Variants in NEK11 observed in about 807,000 individuals in gnomAD.
NEK11 encodes the protein serine/threonine-protein kinase Nek11.
Under a neutral mutation model 80.7 loss-of-function variants are expected in NEK11, and 72 were observed. That is an observed-to-expected ratio of 0.89 (90% CI 0.74 to 1.08). The LOEUF is 1.08. Among genes scored for constraint, NEK11 ranks in the 50% least tolerant of loss-of-function variants. The pLI, the probability that NEK11 is intolerant of heterozygous loss-of-function variation, is 0.00. For missense variants in NEK11, 764 were observed against 763.6 expected (o/e 1.00, Z -0.01); for synonymous variants, 251 against 260.7 (o/e 0.96, Z 0.36).
chr3:131,085,145 C>T (rs1188533849), intron 4 of NEK11, among the ~76,000 whole-genome samples: 1 of 152,170 alleles, frequency 6.6e-6, no homozygotes, highest in Non-Finnish European at 1.5e-5. Context: ...ACCTTCTGAT[C>T]CTAATTTAGC....
chr3:131,173,146 A>G (rs1207701562), intron 14 of NEK11, among the ~76,000 whole-genome samples: 2 of 152,210 alleles, frequency 1.3e-5, no homozygotes, highest in African/African-American at 4.8e-5. Flanking sequence ...TCAGTCGAGC[A>G]GCTCATGCCA....
chr3:131,134,539 TAC>T (rs200114206), intron 7 of NEK11, among the ~76,000 whole-genome samples: 2,036 of 152,188 alleles, frequency 0.013, 26 homozygotes, highest in East Asian at 0.08. Context: ...TAGCTGGGAC[TAC>T]AGGCTCCCAC....
intron 14 of NEK11, among the ~76,000 whole-genome samples, chr3:131,191,259 G>A (rs1008410944): frequency 9.2e-5 from 14 of 152,134 alleles, no homozygotes; most frequent in African/African-American, 2.9e-4. Context: ...TTACAGCTCT[G>A]GAGATTAAAA....
intron 14 of NEK11, among the ~76,000 whole-genome samples, chr3:131,187,838 C>T (rs1157749829): frequency 6.6e-6 from 1 of 152,096 alleles, no homozygotes; most frequent in Non-Finnish European, 1.5e-5. Context: ...TCAGAGTTTA[C>T]CTAATAATAA....
At chr3:131,227,714 C>T (rs1354799655) in intron 14 of NEK11, among the ~76,000 whole-genome samples, 1 of 152,060 alleles carries the variant, frequency 6.6e-6, no homozygotes, top group African/African-American at 2.4e-5. Context: ...TCCCCCAGCC[C>T]AAGGGTAGTT....
At position 131,347,303 on chromosome 3, in the gene NEK11, A is replaced by G. The variant is rs562062086; in HGVS notation, c.1719-2254A>G. 2.6e-5 allele frequency among the ~76,000 whole-genome samples: 4 copies of G among 152,350 alleles called. No homozygotes were observed. In the South Asian group the frequency reaches 6.2e-4, roughly 24 times the overall value. On this transcript the variant is annotated intron_variant, in intron 17 of 17. Transcript: ENST00000383366. Reference sequence around the variant, plus strand: ...TCTGTAAAATGAAGACAAATGTTCAATGAATTGCCTAGTTCATAAGGAGCA... The same window carrying G: ...TCTGTAAAATGAAGACAAATGTTCAGTGAATTGCCTAGTTCATAAGGAGCA...
intron 17 of NEK11, among the ~76,000 whole-genome samples, chr3:131,286,132 T>C (rs967795936): frequency 2.6e-5 from 4 of 152,260 alleles, no homozygotes; most frequent in Non-Finnish European, 2.9e-5. Context: ...TAGTGTCTCA[T>C]TGACTATGAA....
chr3:131,064,417 C>T (rs2071486617), intron 3 of NEK11, among the ~76,000 whole-genome samples: 1 of 152,078 alleles, frequency 6.6e-6, no homozygotes, highest in Non-Finnish European at 1.5e-5. Context: ...TGTGTTTGTG[C>T]AAGCGTGTCC....
At chr3:131,206,864 T>C (rs936107733) in intron 14 of NEK11, among the ~76,000 whole-genome samples, 1 of 151,964 alleles carries the variant, frequency 6.6e-6, no homozygotes, top group Non-Finnish European at 1.5e-5. Flanking sequence ...CCCCACCCTG[T>C]GTCTAAGTGT....
chr3:131,286,737 A>AT (rs1237556020), intron 17 of NEK11, among the ~76,000 whole-genome samples: 1 of 152,232 alleles, frequency 6.6e-6, no homozygotes, highest in Non-Finnish European at 1.5e-5. Context: ...ATAAACTGCC[A>AT]TATCTGGACT....
chr3:131,102,567 C>T (rs942603396), intron 4 of NEK11, among the ~76,000 whole-genome samples: 3 of 152,182 alleles, frequency 2.0e-5, no homozygotes, highest in Non-Finnish European at 4.4e-5. Flanking sequence ...ATGGGTTTCC[C>T]TCTGTGCATG....
In NEK11 at chr3:131,115,962, C is replaced by CTTTCTTTCTTTCTTTCTT. The variant is rs1553878532; in HGVS notation, c.455+6043_455+6060dup. On this transcript the variant is annotated intron_variant, in intron 5 of 17. Transcript: ENST00000383366. ...TCTTTCTTTCTTTCTTTCTTTCTTT[C>CTTTCTTTCTTTCTTTCTT]TTTCTTTCTTTCTTTCTTTCTTTCT... Among the ~76,000 whole-genome samples the CTTTCTTTCTTTCTTTCTT allele has an allele frequency of 1.8e-3, 258 of 140,990 alleles. 1 individual carries two copies. The highest frequency in any genetic ancestry group is 0.013 in the East Asian group (57 of 4,488). 92.5% of individuals were successfully genotyped at this position (140,990 alleles called of 152,430 possible). A position where few individuals can be genotyped will look rare whatever the true frequency, so the allele number is the denominator to read the frequency against.
At chr3:131,157,197 G>C (rs1579255311) in intron 10 of NEK11, among the ~76,000 whole-genome samples, 2 of 152,216 alleles carry the variant, frequency 1.3e-5, no homozygotes, top group Non-Finnish European at 2.9e-5. Context: ...AATTGTGTAA[G>C]TTCAGGGTAG....
chr3:131,217,303 G>A (rs1053463329), intron 14 of NEK11, among the ~76,000 whole-genome samples: 6 of 152,044 alleles, frequency 3.9e-5, no homozygotes, highest in African/African-American at 7.2e-5. Flanking sequence ...TAATAGTGCC[G>A]GGGAAGGCAT....
intron 17 of NEK11, among the ~76,000 whole-genome samples, chr3:131,318,398 G>C (rs2096864773): frequency 1.3e-5 from 2 of 152,108 alleles, no homozygotes; most frequent in Non-Finnish European, 2.9e-5. Flanking sequence ...AATTTTTTAA[G>C]TGAAAATTCT....
chr3:131,248,642 A>G lies in NEK11; in HGVS notation c.1621+5146A>G, dbSNP rs527565906. 3.3e-5 allele frequency among the ~76,000 whole-genome samples: 5 copies of G among 152,102 alleles called. No individual in the cohort carries two copies. In the East Asian group the frequency reaches 7.8e-4, roughly 24 times the overall value. ...GAGAAACAGTCTCTCTCACTCTCCC[A>G]TATTAGGGCTTTACTCACAGTTCTC... On this transcript the variant is annotated intron_variant, in intron 16 of 17. Coordinates refer to ENST00000383366, the MANE Select transcript of NEK11 (RefSeq NM_024800.5).
intron 10 of NEK11, among the ~76,000 whole-genome samples, chr3:131,157,174 G>A (rs1030942079): frequency 6.6e-6 from 1 of 152,180 alleles, no homozygotes; most frequent in Non-Finnish European, 1.5e-5. Flanking sequence ...ATCAGGTGAG[G>A]CAAGTGAGGT....
At chr3:131,120,449 A>G (rs1001866475) in intron 5 of NEK11, among the ~76,000 whole-genome samples, 7 of 152,040 alleles carry the variant, frequency 4.6e-5, no homozygotes, top group South Asian at 2.1e-4. Flanking sequence ...ACTGATAATT[A>G]TGTGGCTTGG....
intron 17 of NEK11, among the ~76,000 whole-genome samples, chr3:131,322,859 G>GAGTTTT (rs751987777): frequency 5.8e-4 from 88 of 152,298 alleles, no homozygotes; most frequent in South Asian, 1.7e-3. Flanking sequence ...CTCCTTGTTT[G>GAGTTTT]AATCTTTCCT....
Sources: allele counts gnomAD v4.1 joint callset (sites outside exome capture counted in the v4.1 genomes callset), GRCh38; gene constraint gnomAD v4.1.1; transcripts MANE v1.5; gene names NCBI Gene and HGNC (gene_info 2026-07-23, HGNC 2026-07-21).